The following TENM2 variants were observed in gnomAD, a reference collection of about 807,000 sequenced individuals.
TENM2 encodes teneurin transmembrane protein 2.
A neutral mutation model predicts 245.2 loss-of-function variants in TENM2; 52 were observed. The ratio of observed to expected loss-of-function variants is 0.21; its 90% CI spans 0.17 to 0.27. The LOEUF (loss-of-function observed/expected upper bound fraction) is 0.27. TENM2 is among the 10% of genes least tolerant of loss of function. TENM2 has a pLI of 1.00. For synonymous variants in TENM2, 1,363 were observed against 1,438.9 expected, an observed-to-expected ratio of 0.95 and a Z score of 1.19; for missense variants, 3,046 against 3,666.8, an observed-to-expected ratio of 0.83 and a Z score of 4.37.
chr5:168,198,759 GC>G, intron 15 of TENM2, 93 bp from the exon 18 acceptor site: 2 of 1,470,606 alleles, frequency 1.4e-6, no homozygotes, highest in Non-Finnish European at 1.9e-6. Flanking sequence ...TCTGTGCTCT[GC>G]CCATCGCATG....
At chr5:167,431,534 C>G (rs1582026554) in intron 2 of TENM2, among the ~76,000 whole-genome samples, 2 of 152,200 alleles carry the variant, frequency 1.3e-5, no homozygotes. Context: ...AAATTTAAGA[C>G]AGTTGTTTTG....
At chr5:167,294,460 A>C (rs1263949076) in intron 1 of TENM2, among the ~76,000 whole-genome samples, 1 of 152,184 alleles carries the variant, frequency 6.6e-6, no homozygotes, top group Non-Finnish European at 1.5e-5. Context: ...GCAGGTACTC[A>C]AGGAATAGGA....
the TENM2 span, among the ~76,000 whole-genome samples, chr5:166,986,152 T>G: frequency 6.6e-6 from 1 of 152,122 alleles, no homozygotes; most frequent in South Asian, 2.1e-4. Flanking sequence ...TTGCAGAATT[T>G]TATTGACCAT....
chr5:167,981,792 G>A (rs963856353), intron 4 of TENM2, among the ~76,000 whole-genome samples: 2 of 152,066 alleles, frequency 1.3e-5, no homozygotes, highest in Non-Finnish European at 2.9e-5. Context: ...TTGCCAACAT[G>A]GCAAAACTTC....
chr5:166,988,297 C>T, the TENM2 span, among the ~76,000 whole-genome samples: 3 of 152,088 alleles, frequency 2.0e-5, no homozygotes, highest in African/African-American at 7.2e-5. Flanking sequence ...ATCAGAGAAG[C>T]AATGGCTGGA....
the TENM2 span, among the ~76,000 whole-genome samples, chr5:167,262,340 A>G: frequency 6.6e-6 from 1 of 151,658 alleles, no homozygotes; most frequent in Non-Finnish European, 1.5e-5. Context: ...CCTGGGCAAC[A>G]AGAGTGTAAC....
chr5:167,928,457 G>C (rs994011951), intron 3 of TENM2, among the ~76,000 whole-genome samples: 7 of 152,224 alleles, frequency 4.6e-5, no homozygotes, highest in Non-Finnish European at 4.4e-5. Context: ...GAGAGAGATT[G>C]TTAGGCAGAT....
At chr5:167,776,593 G>GAAAAGAA (rs1763798656) in intron 2 of TENM2, among the ~76,000 whole-genome samples, 2 of 36,020 alleles carry the variant, frequency 5.6e-5, no homozygotes, top group African/African-American at 1.7e-4. Context: ...GACCCTGTCT[G>GAAAAGAA]AAAAAAAAAA....
At chr5:168,124,735 T>C in intron 10 of TENM2, 115 bp from the exon 13 acceptor site, 1 of 934,654 alleles carries the variant, frequency 1.1e-6, no homozygotes, top group Non-Finnish European at 1.6e-6. Context: ...TGCTAGCAAG[T>C]GGATGGGAAC....
the TENM2 span, among the ~76,000 whole-genome samples, chr5:167,268,873 C>CATAGATAGATG: frequency 1.4e-5 from 2 of 139,494 alleles, no homozygotes; most frequent in Non-Finnish European, 3.1e-5. Flanking sequence ...CCAAAAGATA[C>CATAGATAGATG]ATAGATAGAT....
intron 5 of TENM2, among the ~76,000 whole-genome samples, chr5:168,015,397 C>T (rs1298905792): frequency 6.6e-6 from 1 of 152,166 alleles, no homozygotes; most frequent in Non-Finnish European, 1.5e-5. Context: ...CAGGTCTAGG[C>T]CCAGTACCCG....
At chr5:167,720,982 A>G (rs536378619) in intron 2 of TENM2, among the ~76,000 whole-genome samples, 54 of 152,352 alleles carry the variant, frequency 3.5e-4, no homozygotes, top group African/African-American at 1.2e-3. Context: ...ATGCCAGTGT[A>G]CTGGGAAATA....
intron 28 of TENM2, 127 bp downstream of exon 30, chr5:168,260,540 C>T: frequency 9.6e-7 from 1 of 1,040,936 alleles, no homozygotes; most frequent in Non-Finnish European, 1.4e-6. Flanking sequence ...AGGTGCAGGA[C>T]ACATTGAGAC....
chr5:167,146,183 C>A, the TENM2 span, among the ~76,000 whole-genome samples: 2 of 152,106 alleles, frequency 1.3e-5, no homozygotes, highest in East Asian at 1.9e-4. Flanking sequence ...ATGGAGCTGA[C>A]AATATGGGCT....
intron 2 of TENM2, among the ~76,000 whole-genome samples, chr5:167,647,248 G>A (rs1780023544): frequency 6.6e-6 from 1 of 152,174 alleles, no homozygotes; most frequent in Non-Finnish European, 1.5e-5. Context: ...TGGATCCACG[G>A]TGGGGTTAAA....
At chr5:167,381,579 A>C (rs1380667887) in intron 2 of TENM2, among the ~76,000 whole-genome samples, 1 of 152,162 alleles carries the variant, frequency 6.6e-6, no homozygotes, top group African/African-American at 2.4e-5. Context: ...ATTCAGTCAC[A>C]CTGGTTCAGG....
intron 2 of TENM2, among the ~76,000 whole-genome samples, chr5:167,650,598 A>G (rs1754394324): frequency 6.6e-6 from 1 of 152,204 alleles, no homozygotes; most frequent in Non-Finnish European, 1.5e-5. Flanking sequence ...GGGTATTTAG[A>G]TAACTACAAG....
intron 3 of TENM2, among the ~76,000 whole-genome samples, chr5:167,950,547 A>G (rs181791260): frequency 1.4e-4 from 22 of 152,246 alleles, no homozygotes; most frequent in Admixed American, 8.5e-4. Context: ...GACCCGCCCC[A>G]TCTTCCTGAG....
intron 1 of TENM2, 110 bp downstream of exon 3, chr5:167,285,173 C>A: frequency 1.3e-6 from 1 of 762,416 alleles, no homozygotes; most frequent in Non-Finnish European, 2.2e-6. Flanking sequence ...ACAGATGTAC[C>A]CTACAGCAGA....
Sources: gnomAD v4.1 joint callset for allele counts (sites outside exome capture counted in the v4.1 genomes callset) on GRCh38, gnomAD v4.1.1 for gene constraint, MANE v1.5 for transcripts, NCBI Gene and HGNC (gene_info 2026-07-23, HGNC 2026-07-21) for gene names.